The following DAB1 variants were observed in gnomAD, a reference collection of about 807,000 sequenced individuals.
The protein encoded by DAB1 is disabled homolog 1.
Under a neutral mutation model 64.6 loss-of-function variants are expected in DAB1, and 15 were observed. That is an observed-to-expected ratio of 0.23 (90% CI 0.16 to 0.36). DAB1 has a LOEUF of 0.36. Ranked by LOEUF, DAB1 falls within the 10% of genes least tolerant of loss-of-function variation. The pLI, the probability that DAB1 is intolerant of heterozygous loss-of-function variation, is 1.00. For synonymous variants in DAB1, 235 were observed against 251.9 expected, an observed-to-expected ratio of 0.93 and a Z score of 0.64; for missense variants, 596 against 706.7, an observed-to-expected ratio of 0.84 and a Z score of 1.78.
intron 6 of DAB1, among the ~76,000 whole-genome samples, chr1:57,802,482 G>A (rs896884983): frequency 1.3e-5 from 2 of 152,178 alleles, no homozygotes; most frequent in African/African-American, 2.4e-5. Flanking sequence ...AAAGCCTGTC[G>A]AGCCTAGCGG....
intron 2 of DAB1, among the ~76,000 whole-genome samples, chr1:57,254,877 T>C (rs197648): frequency 0.014 from 2,161 of 152,106 alleles, 53 homozygotes; most frequent in African/African-American, 0.05. Context: ...ACACACACAA[T>C]TGAAAATTCT....
intron 5 of DAB1, among the ~76,000 whole-genome samples, chr1:58,034,829 A>G (rs1008302724): frequency 6.6e-6 from 1 of 152,148 alleles, no homozygotes; most frequent in African/African-American, 2.4e-5. Context: ...ATCCAAAAAG[A>G]ATGAAAACCG....
At position 57,116,461 on chromosome 1, in the gene DAB1, C is replaced by CAAAAAA. The variant is rs61590002; in HGVS notation, c.306+20076_306+20081dup. On this transcript the variant is annotated intron_variant, in intron 4 of 14. Coordinates refer to ENST00000371236, the MANE Select transcript of DAB1 (RefSeq NM_001365792.1). ...TGGGCAATAGAGTGAGACTCTGTCT[C>CAAAAAA]AAAAAAAAAAAAAAAAAAAAAAGAA... is the stretch of plus-strand genomic sequence containing the variant. 3.4e-3 allele frequency among the ~76,000 whole-genome samples: 244 copies of CAAAAAA among 71,904 alleles called. 8 individuals are homozygous for CAAAAAA. The highest frequency in any genetic ancestry group is 0.011 in the African/African-American group (206 of 18,140). The allele number at this position is 71,904 out of a possible 152,430, so 47.2% of individuals were successfully genotyped here. A position where few individuals can be genotyped will look rare whatever the true frequency, so the allele number is the denominator to read the frequency against.
At chr1:57,582,114 G>A (rs1645320360) in intron 7 of DAB1, among the ~76,000 whole-genome samples, 1 of 152,092 alleles carries the variant, frequency 6.6e-6, no homozygotes, top group East Asian at 1.9e-4. Context: ...TACCCTCAAT[G>A]ACCTCATTTA....
At chr1:57,963,719 C>T (rs1302349440) in intron 5 of DAB1, among the ~76,000 whole-genome samples, 1 of 152,094 alleles carries the variant, frequency 6.6e-6, no homozygotes, top group East Asian at 1.9e-4. Context: ...GTAATCATCC[C>T]CTGGGAAGAG....
upstream of DAB1, among the ~76,000 whole-genome samples, chr1:57,886,163 CT>C (rs36101963): frequency 0.091 from 11,750 of 129,396 alleles, 500 homozygotes; most frequent in African/African-American, 0.23. Context: ...GCCTACTATT[CT>C]TTTTTTTTTT....
At chr1:58,033,278 T>C (rs1260969172) in intron 5 of DAB1, among the ~76,000 whole-genome samples, 1 of 152,106 alleles carries the variant, frequency 6.6e-6, no homozygotes, top group Non-Finnish European at 1.5e-5. Flanking sequence ...GATCCTTCTG[T>C]CTCAAGAAGC....
At chr1:58,132,897 TG>T (rs1557665181) in intron 5 of DAB1, among the ~76,000 whole-genome samples, 1 of 152,206 alleles carries the variant, frequency 6.6e-6, no homozygotes, top group Non-Finnish European at 1.5e-5. Flanking sequence ...CTGATATCTG[TG>T]TTAGTGTTAG....
At chr1:57,138,673 T>A (rs1330979170) in intron 3 of DAB1, among the ~76,000 whole-genome samples, 1 of 152,202 alleles carries the variant, frequency 6.6e-6, no homozygotes, top group Non-Finnish European at 1.5e-5. Context: ...TTAAGGAACA[T>A]GCAGAAATGG....
chr1:57,477,275 C>G (rs891061586), intron 7 of DAB1, among the ~76,000 whole-genome samples: 1 of 152,148 alleles, frequency 6.6e-6, no homozygotes, highest in African/African-American at 2.4e-5. Context: ...TGTGTGCACT[C>G]ACATGCACAC....
At chr1:57,668,702 G>A (rs1292376093) in intron 6 of DAB1, among the ~76,000 whole-genome samples, 2 of 151,926 alleles carry the variant, frequency 1.3e-5, no homozygotes, top group Admixed American at 6.6e-5. Flanking sequence ...TGAAATAAAA[G>A]TTAAGACAAA....
intron 1 of DAB1, among the ~76,000 whole-genome samples, chr1:57,311,844 G>T (rs78988999): frequency 6.6e-6 from 1 of 152,096 alleles, no homozygotes; most frequent in East Asian, 1.9e-4. Context: ...TAATACAATG[G>T]CAATAAACAT....
At chr1:58,458,357 T>C (rs571368553) in intron 3 of DAB1, among the ~76,000 whole-genome samples, 10 of 152,294 alleles carry the variant, frequency 6.6e-5, no homozygotes, top group East Asian at 5.8e-4. Context: ...CCTTTGGAGA[T>C]AGGTGTTGTT....
intron 7 of DAB1, among the ~76,000 whole-genome samples, chr1:57,439,417 G>GGTTTTTTTTGTTTGTTTTTTTTT (rs1328337487): frequency 9.0e-6 from 1 of 111,066 alleles, no homozygotes; most frequent in South Asian, 3.3e-4. Context: ...TTGGTGATGA[G>GGTTTTTTTTGTTTGTTTTTTTTT]GTTTTTTCTT....
intron 1 of DAB1, among the ~76,000 whole-genome samples, chr1:57,874,764 C>T (rs1644015044): frequency 1.3e-5 from 2 of 152,044 alleles, no homozygotes; most frequent in South Asian, 2.1e-4. Context: ...AGGGTTCAAA[C>T]AAGGTTAAAA....
chr1:58,126,315 C>T (rs957072248), intron 5 of DAB1, among the ~76,000 whole-genome samples: 4 of 152,150 alleles, frequency 2.6e-5, no homozygotes, highest in Non-Finnish European at 5.9e-5. Flanking sequence ...CCAATTCCCC[C>T]AGGGCTCTCC....
chr1:57,804,983 G>A (rs982796111), intron 6 of DAB1, among the ~76,000 whole-genome samples: 25 of 151,198 alleles, frequency 1.7e-4, no homozygotes, highest in African/African-American at 5.8e-4. Context: ...TATCCCAGAG[G>A]GGAACAGAAT....
intron 4 of DAB1, among the ~76,000 whole-genome samples, chr1:58,250,174 C>G: frequency 6.6e-6 from 1 of 152,304 alleles, no homozygotes; most frequent in South Asian, 2.1e-4. Context: ...CGCGGCCGCC[C>G]CTACCCCGGC....
chr1:58,025,651 GTA>G (rs763787466), intron 5 of DAB1, among the ~76,000 whole-genome samples: 12,864 of 74,596 alleles, frequency 0.17, 581 homozygotes, highest in Non-Finnish European at 0.19. Flanking sequence ...ATATATGTGT[GTA>G]TATATATATA....
Sources: allele counts gnomAD v4.1 joint callset (sites outside exome capture counted in the v4.1 genomes callset), GRCh38; gene constraint gnomAD v4.1.1; transcripts MANE v1.5; gene names NCBI Gene and HGNC (gene_info 2026-07-23, HGNC 2026-07-21).